PAIP1: variants seen among roughly 807,000 people sequenced by gnomAD.
PAIP1 encodes the protein poly(A) binding protein interacting protein 1, also known as polyadenylate-binding protein-interacting protein 1.
In PAIP1, 16 loss-of-function variants were observed where a neutral mutation model predicts 61.3. That is an observed-to-expected ratio of 0.26 (90% CI 0.18 to 0.40). PAIP1 has a LOEUF of 0.40. PAIP1 is among the 10% of genes least tolerant of loss of function. The pLI is 1.00. For synonymous variants in PAIP1, 187 were observed against 226.2 expected, an observed-to-expected ratio of 0.83 and a Z score of 1.56; for missense variants, 416 against 600.9, an observed-to-expected ratio of 0.69 and a Z score of 3.22.
intron 2 of PAIP1, among the ~76,000 whole-genome samples, chr5:43,550,733 C>T (rs1192366929): frequency 1.3e-5 from 2 of 150,170 alleles, no homozygotes; most frequent in Non-Finnish European, 2.9e-5. Flanking sequence ...GGATGGGATA[C>T]TGCCATGACA....
chr5:43,555,487 A>G (rs1410513319), intron 2 of PAIP1, among the ~76,000 whole-genome samples: 1 of 152,254 alleles, frequency 6.6e-6, no homozygotes, highest in African/African-American at 2.4e-5. Flanking sequence ...AAGTTTAAAC[A>G]TTCTTTATAC....
Position 43,555,982 on chromosome 5 carries a change from T to A in PAIP1, c.283A>T (p.Arg95Ter). The A allele has an allele frequency of 6.2e-7, 1 of 1,613,030 alleles. No homozygotes were observed. The highest frequency in any genetic ancestry group is 8.5e-7 in the Non-Finnish European group (1 of 1,179,666). Residue 95 changes from arginine to a stop codon, truncating the protein, a stop_gained, in exon 2 of 11, where the codon AGA becomes TGA. Coordinates refer to ENST00000306846, the MANE Select transcript of PAIP1 (RefSeq NM_006451.5). LOFTEE classifies it high-confidence loss of function. ...GALPEQTRPL[R>*]APPSSQDKIP... ...TTATCCTGTGAACTAGGTGGAGCTCTCAGGGGCCTCGTTTGCTCTGCAAAA... is the reference window on the plus strand; with the variant it reads ...TTATCCTGTGAACTAGGTGGAGCTCACAGGGGCCTCGTTTGCTCTGCAAAA...
In PAIP1 at chr5:43,556,839, T is replaced by C. The variant is rs1342768887; in HGVS notation, c.8A>G (p.Asp3Gly). MS[D>G]GFDRAPGAGR... ...AGCACCTGGGGCCCGATCGAAACCG[T>C]CCGACATGCTCCTCCTCCTCCGCCT... The change falls in exon 1 of 11, where the codon GAC becomes GGC. Residue 3 changes from aspartate to glycine, a missense_variant. Around this residue, in one of 4 missense-constraint regions of PAIP1, gnomAD observed 97 missense variants for 89.5 expected, o/e 1.08. Coordinates refer to ENST00000306846, the MANE Select transcript of PAIP1 (RefSeq NM_006451.5). 2 of 1,438,400 alleles carry C rather than the reference T, an allele frequency of 1.4e-6. No individual in the cohort carries two copies. The highest frequency in any genetic ancestry group is 1.5e-5 in the African/African-American group (1 of 66,886). The allele number at this position is 1,438,400 out of a possible 1,614,324, so 89.1% of individuals were successfully genotyped here. A position where few individuals can be genotyped will look rare whatever the true frequency, so the allele number is the denominator to read the frequency against.
intron 10 of PAIP1, among the ~76,000 whole-genome samples, chr5:43,528,154 T>C (rs1746780611): frequency 6.6e-6 from 1 of 152,342 alleles, no homozygotes; most frequent in African/African-American, 2.4e-5. Context: ...CATAGCCATC[T>C]TAAAAAGATA....
chr5:43,557,089 A>C (rs1748131123), upstream of PAIP1: 4 of 667,592 alleles, frequency 6.0e-6, no homozygotes, highest in South Asian at 7.5e-5. Flanking sequence ...GTTCTCCCCC[A>C]AAACCCGGCT....
At chr5:43,542,441 A>G (rs1017118741) in intron 4 of PAIP1, among the ~76,000 whole-genome samples, 3 of 151,372 alleles carry the variant, frequency 2.0e-5, no homozygotes, top group Admixed American at 6.6e-5. Context: ...CTGAGGCAGG[A>G]AAATCACTTG....
At chr5:43,542,596 C>G (rs911848452) in intron 4 of PAIP1, among the ~76,000 whole-genome samples, 1 of 146,102 alleles carries the variant, frequency 6.8e-6, no homozygotes, top group Non-Finnish European at 1.5e-5. Flanking sequence ...TAAAAAGGAA[C>G]AGAATAAGTG....
intron 2 of PAIP1, among the ~76,000 whole-genome samples, chr5:43,550,286 G>A (rs573532704): frequency 6.6e-6 from 1 of 152,192 alleles, no homozygotes; most frequent in East Asian, 1.9e-4. Flanking sequence ...CTGTGACTCT[G>A]AGGATTAAGT....
intron 2 of PAIP1, among the ~76,000 whole-genome samples, chr5:43,553,305 T>C (rs1747935358): frequency 6.6e-6 from 1 of 152,118 alleles, no homozygotes; most frequent in South Asian, 2.1e-4. Context: ...GCTTGGTGCC[T>C]TGAAAGAGTT....
chr5:43,535,006 C>A (rs770000182), intron 7 of PAIP1, 36 bp from the exon 8 acceptor site: 2 of 1,116,584 alleles, frequency 1.8e-6, no homozygotes, highest in Non-Finnish European at 2.7e-6. Flanking sequence ...AGTGTATCCA[C>A]CATAAGGGCT....
intron 3 of PAIP1, among the ~76,000 whole-genome samples, chr5:43,547,087 A>G (rs1199890909): frequency 6.7e-6 from 1 of 149,284 alleles, no homozygotes; most frequent in Non-Finnish European, 1.5e-5. Context: ...TATGTTAATG[A>G]CCAATATGCT....
intron 3 of PAIP1, among the ~76,000 whole-genome samples, chr5:43,545,922 A>G (rs916093777): frequency 2.0e-5 from 3 of 151,894 alleles, no homozygotes; most frequent in Non-Finnish European, 4.4e-5. Context: ...GGCATGCACC[A>G]CCAAGCCCAG....
chr5:43,531,033 T>G (rs1271600367), intron 9 of PAIP1, among the ~76,000 whole-genome samples: 1 of 151,966 alleles, frequency 6.6e-6, no homozygotes, highest in East Asian at 1.9e-4. Context: ...GACCAAGAAA[T>G]ATCTCAGTGG....
At chr5:43,541,391 A>G (rs1377853787) in intron 4 of PAIP1, among the ~76,000 whole-genome samples, 2 of 139,484 alleles carry the variant, frequency 1.4e-5, no homozygotes, top group Non-Finnish European at 3.1e-5. Flanking sequence ...TGAACTCGTG[A>G]GCCGCCCACC....
At chr5:43,531,149 C>G (rs1471791544) in intron 9 of PAIP1, among the ~76,000 whole-genome samples, 2 of 151,970 alleles carry the variant, frequency 1.3e-5, no homozygotes, top group Non-Finnish European at 2.9e-5. Context: ...GAATTTTTAA[C>G]AATGGGCCTG....
At chr5:43,532,607 CAA>C (rs1746984806) in intron 9 of PAIP1, among the ~76,000 whole-genome samples, 1 of 152,048 alleles carries the variant, frequency 6.6e-6, no homozygotes, top group African/African-American at 2.4e-5. Flanking sequence ...AAATTACAAA[CAA>C]GACTGATAAA....
chr5:43,549,807 C>T (rs992766356), intron 2 of PAIP1, among the ~76,000 whole-genome samples: 2 of 152,240 alleles, frequency 1.3e-5, no homozygotes, highest in Admixed American at 1.3e-4. Flanking sequence ...GCAACCTCTG[C>T]CTCCCAGGTT....
At chr5:43,553,649 T>C (rs1319298866) in intron 2 of PAIP1, among the ~76,000 whole-genome samples, 3 of 152,212 alleles carry the variant, frequency 2.0e-5, no homozygotes, top group East Asian at 1.9e-4. Context: ...CTATGACTAA[T>C]TGGATTGAGA....
intron 4 of PAIP1, among the ~76,000 whole-genome samples, chr5:43,539,284 G>C (rs1747293664): frequency 6.7e-6 from 1 of 149,928 alleles, no homozygotes; most frequent in South Asian, 2.1e-4. Flanking sequence ...AATTTAATAT[G>C]TTTAAGCAAC....
Sources: gnomAD v4.1 joint callset for allele counts (sites outside exome capture counted in the v4.1 genomes callset) on GRCh38, gnomAD v4.1.1 for gene constraint, gnomAD v4.1.1 regional missense constraint, MANE v1.5 for transcripts, NCBI Gene and HGNC (gene_info 2026-07-23, HGNC 2026-07-21) for gene names.